Variants in GPC5 observed in about 807,000 individuals in gnomAD.
The protein encoded by GPC5 is glypican-5.
GPC5 carries 47 observed loss-of-function variants against 53.9 expected under a neutral mutation model. The ratio of observed to expected loss-of-function variants is 0.87; its 90% CI spans 0.69 to 1.11. The LOEUF is 1.11. Ranked by LOEUF, GPC5 falls within the 50% of genes most tolerant of loss-of-function variation. GPC5 has a pLI of 0.00. For missense variants in GPC5, 748 were observed against 713.1 expected (o/e 1.05, Z -0.56); for synonymous variants, 286 against 263.3 (o/e 1.09, Z -0.84).
chr13:91,451,624 T>G (rs537767073), intron 2 of GPC5, among the ~76,000 whole-genome samples: 208 of 149,650 alleles, frequency 1.4e-3, no homozygotes, highest in Middle Eastern at 6.8e-3. Context: ...TTGTTTGTTT[T>G]TTTTTTTCCC....
intron 1 of GPC5, among the ~76,000 whole-genome samples, chr13:91,401,126 A>C (rs1216479787): frequency 6.6e-6 from 1 of 152,182 alleles, no homozygotes; most frequent in Non-Finnish European, 1.5e-5. Flanking sequence ...TTCACTAAGA[A>C]AAAGTCACAC....
chr13:92,699,410 T>G (rs1887657649), intron 7 of GPC5, among the ~76,000 whole-genome samples: 1 of 147,820 alleles, frequency 6.8e-6, no homozygotes, highest in Admixed American at 6.7e-5. Context: ...TGAAGGGTTT[T>G]TTGTGTCTCT....
At chr13:91,403,192 G>A (rs1002217487) in intron 1 of GPC5, among the ~76,000 whole-genome samples, 3 of 152,228 alleles carry the variant, frequency 2.0e-5, no homozygotes, top group Non-Finnish European at 2.9e-5. Context: ...TGACATTGGG[G>A]CAGATGATTA....
intron 2 of GPC5, among the ~76,000 whole-genome samples, chr13:91,475,691 A>G (rs58325969): frequency 0.011 from 1,652 of 152,146 alleles, 41 homozygotes; most frequent in African/African-American, 0.038. Flanking sequence ...GGCCCAGATG[A>G]AGGGGAGGCA....
intron 5 of GPC5, among the ~76,000 whole-genome samples, chr13:91,875,006 T>C (rs576361557): frequency 6.6e-6 from 1 of 152,286 alleles, no homozygotes; most frequent in South Asian, 2.1e-4. Flanking sequence ...ATTCAGCACA[T>C]CAGTGTGTGT....
At chr13:91,649,325 C>T (rs770417077) in intron 2 of GPC5, among the ~76,000 whole-genome samples, 1 of 152,170 alleles carries the variant, frequency 6.6e-6, no homozygotes, top group African/African-American at 2.4e-5. Context: ...GTACCATCCT[C>T]TACATTGGAT....
chr13:91,413,596 A>G (rs1395059778), intron 1 of GPC5, among the ~76,000 whole-genome samples: 2 of 152,258 alleles, frequency 1.3e-5, no homozygotes, highest in East Asian at 3.8e-4. Flanking sequence ...TCACACTTAC[A>G]GGAGCACTGA....
intron 7 of GPC5, among the ~76,000 whole-genome samples, chr13:92,725,507 G>A (rs1434765484): frequency 6.6e-6 from 1 of 151,408 alleles, no homozygotes; most frequent in Non-Finnish European, 1.5e-5. Flanking sequence ...AGTATGTAAG[G>A]AACTACTCTA....
chr13:91,694,665 T>C (rs934248662), intron 3 of GPC5, among the ~76,000 whole-genome samples: 1 of 152,252 alleles, frequency 6.6e-6, no homozygotes, highest in Non-Finnish European at 1.5e-5. Context: ...CTGATGGTTC[T>C]ACTAAACATA....
chr13:92,388,181 G>A (rs1874826029), intron 7 of GPC5, among the ~76,000 whole-genome samples: 1 of 151,606 alleles, frequency 6.6e-6, no homozygotes, highest in Non-Finnish European at 1.5e-5. Flanking sequence ...CACATTAAAG[G>A]TTCATACTTC....
intron 7 of GPC5, among the ~76,000 whole-genome samples, chr13:92,264,870 CTCTCTCTCTGTGTGTGTGTGTGTGTG>C (rs1298608377): frequency 1.1e-4 from 13 of 118,292 alleles, no homozygotes; most frequent in African/African-American, 5.2e-4. Context: ...CTCTCTCTCT[CTCTCTCTCTGTGTGTGTGTGTGTGTG>C]TGTGTGTGTG....
At chr13:91,797,758 C>T (rs140624938) in intron 5 of GPC5, among the ~76,000 whole-genome samples, 94 of 152,198 alleles carry the variant, frequency 6.2e-4, no homozygotes, top group African/African-American at 2.2e-3. Context: ...AAAACTGTGA[C>T]GGTGAGGCAG....
chr13:92,094,908 T>A (rs2041410259), intron 6 of GPC5, among the ~76,000 whole-genome samples: 1 of 152,200 alleles, frequency 6.6e-6, no homozygotes, highest in South Asian at 2.1e-4. Flanking sequence ...TGTTTTATTT[T>A]GTTCCATAAC....
intron 2 of GPC5, among the ~76,000 whole-genome samples, chr13:91,655,097 G>T (rs889024229): frequency 1.3e-5 from 2 of 152,126 alleles, no homozygotes; most frequent in African/African-American, 4.8e-5. Context: ...GTACAAATAA[G>T]AAAGTGATCA....
chr13:92,414,713 T>A (rs1441858663), intron 7 of GPC5, among the ~76,000 whole-genome samples: 2 of 152,252 alleles, frequency 1.3e-5, no homozygotes, highest in South Asian at 2.1e-4. Flanking sequence ...GACAAAAATT[T>A]ATCTCTTACA....
At position 92,606,223 on chromosome 13, in the gene GPC5, G is replaced by A. The variant is rs1209982425; in HGVS notation, c.1562-260059G>A. On this transcript the variant is annotated intron_variant, in intron 7 of 7. Coordinates refer to ENST00000377067, the MANE Select transcript of GPC5 (RefSeq NM_004466.6). The stretch of plus-strand genomic sequence containing the variant: ...ATTTACATTAGGTATTTCTCCTAAT[G>A]CTACCCCTTTCCCTTCCCCCAACTC... 2.0e-5 allele frequency among the ~76,000 whole-genome samples: 3 copies of A among 152,004 alleles called. No individual in the cohort carries two copies. The East Asian group carries it at 5.8e-4, about 29-fold the overall frequency.
intron 6 of GPC5, among the ~76,000 whole-genome samples, chr13:91,968,549 C>T (rs113551139): frequency 0.024 from 3,599 of 152,184 alleles, 143 homozygotes; most frequent in African/African-American, 0.082. Flanking sequence ...GCAACCTCCA[C>T]CTCCCAGGTT....
intron 5 of GPC5, among the ~76,000 whole-genome samples, chr13:91,767,634 G>GA (rs1475176228): frequency 6.6e-6 from 1 of 152,114 alleles, no homozygotes; most frequent in Non-Finnish European, 1.5e-5. Context: ...GAATCCCTAG[G>GA]AAAAAATGAG....
chr13:91,528,392 A>G lies in GPC5; in HGVS notation c.325+79470A>G, dbSNP rs114681488. On this transcript the variant is annotated intron_variant, in intron 2 of 7. Coordinates refer to ENST00000377067, the MANE Select transcript of GPC5 (RefSeq NM_004466.6). ...GCAAAATGCTGCCAGTCTTTTTGCT[A>G]AGGCATAGCAAAGTGACCTTTGCTC... 7.3e-3 allele frequency among the ~76,000 whole-genome samples: 1,112 copies of G among 152,316 alleles called. 22 individuals are homozygous for G. The highest frequency in any genetic ancestry group is 0.026 in the African/African-American group (1,061 of 41,580).
Sources: gnomAD v4.1 joint callset for allele counts (sites outside exome capture counted in the v4.1 genomes callset) on GRCh38, gnomAD v4.1.1 for gene constraint, MANE v1.5 for transcripts, NCBI Gene and HGNC (gene_info 2026-07-23, HGNC 2026-07-21) for gene names.